GRIK2: variants seen among roughly 807,000 people sequenced by gnomAD.
The protein encoded by GRIK2 is glutamate ionotropic receptor kainate type subunit 2.
A neutral mutation model predicts 100.3 loss-of-function variants in GRIK2; 32 were observed. The ratio of observed to expected loss-of-function variants is 0.32; its 90% CI spans 0.24 to 0.43. GRIK2 has a LOEUF of 0.43. GRIK2 is among the 20% of genes least tolerant of loss of function. The pLI is 1.00. For missense variants in GRIK2, 843 were observed against 1,114.9 expected, an observed-to-expected ratio of 0.76 and a Z score of 3.47; for synonymous variants, 417 against 389.4, an observed-to-expected ratio of 1.07 and a Z score of -0.83.
chr6:102,010,007 T>G (rs1177720224), intron 14 of GRIK2, among the ~76,000 whole-genome samples: 2 of 152,080 alleles, frequency 1.3e-5, no homozygotes, highest in African/African-American at 4.8e-5. Context: ...TGTATATATA[T>G]ACATATATAA....
At chr6:101,522,994 T>C (rs939343698) in intron 2 of GRIK2, among the ~76,000 whole-genome samples, 1 of 151,858 alleles carries the variant, frequency 6.6e-6, no homozygotes, top group Non-Finnish European at 1.5e-5. Flanking sequence ...CCAGTTAGAG[T>C]GCTAAATGCT....
At chr6:101,457,322 G>A (rs1771061297) in intron 2 of GRIK2, among the ~76,000 whole-genome samples, 1 of 152,060 alleles carries the variant, frequency 6.6e-6, no homozygotes, top group African/African-American at 2.4e-5. Context: ...CTCTCTTGAG[G>A]TCACTTATTG....
chr6:102,023,893 T>G (rs901318332), intron 14 of GRIK2, among the ~76,000 whole-genome samples: 4 of 151,310 alleles, frequency 2.6e-5, no homozygotes, highest in Non-Finnish European at 5.9e-5. Context: ...GAACATGGTA[T>G]AATATAAAAA....
At chr6:101,432,758 A>T (rs1769479606) in intron 2 of GRIK2, among the ~76,000 whole-genome samples, 1 of 152,220 alleles carries the variant, frequency 6.6e-6, no homozygotes, top group Non-Finnish European at 1.5e-5. Flanking sequence ...AATAGGATTA[A>T]AGAGCACAAT....
At chr6:101,754,010 TATAAAG>T (rs1776966391) in intron 7 of GRIK2, among the ~76,000 whole-genome samples, 1 of 152,040 alleles carries the variant, frequency 6.6e-6, no homozygotes, top group Admixed American at 6.6e-5. Flanking sequence ...TGGGATGAAG[TATAAAG>T]ATAAATTACT....
chr6:102,064,962 C>T (rs977519898), intron 16 of GRIK2, among the ~76,000 whole-genome samples: 21 of 151,198 alleles, frequency 1.4e-4, no homozygotes, highest in Admixed American at 6.6e-4. Context: ...AAGAACCTAT[C>T]GTCTCACAGT....
chr6:101,941,364 G>T lies in GRIK2; in HGVS notation c.2085+12732G>T, dbSNP rs1790941241. ...AGGATATGTTAACTGGTTTCACAAT[G>T]AATGAACATTGCAATTTGCTGCAAC... On this transcript the variant is annotated intron_variant, in intron 14 of 16. Transcript: ENST00000369134. Among the ~76,000 whole-genome samples the T allele has an allele frequency of 2.0e-5, 3 of 152,146 alleles. No homozygotes were observed. The South Asian group carries it at 6.2e-4, about 32-fold the overall frequency.
chr6:101,762,116 CCTCCCTTCCTTT>C (rs1777750490), intron 7 of GRIK2, among the ~76,000 whole-genome samples: 1 of 145,572 alleles, frequency 6.9e-6, no homozygotes, highest in Admixed American at 6.9e-5. Flanking sequence ...TTCCTTCCTT[CCTCCCTTCCTTT>C]CCTTCCTCCC....
chr6:102,050,669 G>C (rs1003625792), intron 15 of GRIK2, among the ~76,000 whole-genome samples: 1 of 140,280 alleles, frequency 7.1e-6, no homozygotes, highest in Admixed American at 7.1e-5. Flanking sequence ...AAAAAAAAAC[G>C]GAATAAGAAA....
intron 7 of GRIK2, among the ~76,000 whole-genome samples, chr6:101,792,384 C>T (rs963277521): frequency 6.6e-6 from 1 of 151,896 alleles, no homozygotes; most frequent in Non-Finnish European, 1.5e-5. Context: ...CCTTCAGGAG[C>T]TCTTTTAGAG....
intron 10 of GRIK2, among the ~76,000 whole-genome samples, chr6:101,828,630 TACTATGAACATC>T (rs1427076408): frequency 2.6e-5 from 4 of 151,902 alleles, no homozygotes; most frequent in African/African-American, 9.7e-5. Flanking sequence ...ATCCTGAGAC[TACTATGAACATC>T]ACTATGGACA....
intron 2 of GRIK2, among the ~76,000 whole-genome samples, chr6:101,536,838 C>G (rs925421945): frequency 6.6e-6 from 1 of 151,604 alleles, no homozygotes; most frequent in Non-Finnish European, 1.5e-5. Context: ...GTCAAAAGGT[C>G]AAATTTATTC....
chr6:101,621,880 TTTTC>T (rs1780181070), intron 2 of GRIK2, 65 bp from the exon 3 acceptor site: 4 of 1,096,638 alleles, frequency 3.6e-6, no homozygotes, highest in East Asian at 2.5e-5. Flanking sequence ...ACTTCTGATA[TTTTC>T]TTTATCTTGT....
chr6:101,885,318 G>T (rs1310731469), intron 11 of GRIK2, among the ~76,000 whole-genome samples: 13 of 152,028 alleles, frequency 8.6e-5, no homozygotes, highest in Non-Finnish European at 1.9e-4. Flanking sequence ...AGAGAAAAAA[G>T]AATATCATTT....
intron 14 of GRIK2, among the ~76,000 whole-genome samples, chr6:101,987,152 GAAAT>G (rs1433104883): frequency 6.6e-6 from 1 of 151,576 alleles, no homozygotes; most frequent in Non-Finnish European, 1.5e-5. Flanking sequence ...CATTGTCTCT[GAAAT>G]AAATAAATAA....
chr6:101,780,631 T>G (rs1779026287), intron 7 of GRIK2, among the ~76,000 whole-genome samples: 1 of 152,194 alleles, frequency 6.6e-6, no homozygotes, highest in African/African-American at 2.4e-5. Context: ...TAATTTAACC[T>G]GTGTTTCCCC....
At chr6:101,617,447 C>T (rs145431963) in intron 2 of GRIK2, among the ~76,000 whole-genome samples, 1 of 151,824 alleles carries the variant, frequency 6.6e-6, no homozygotes, top group African/African-American at 2.4e-5. Context: ...TGCAGGTCTT[C>T]CATGTTGTTA....
intron 7 of GRIK2, among the ~76,000 whole-genome samples, chr6:101,711,178 T>C (rs1348882828): frequency 6.6e-6 from 1 of 151,846 alleles, no homozygotes; most frequent in East Asian, 1.9e-4. Flanking sequence ...CTTAATTGGC[T>C]GCTAAATTTT....
intron 4 of GRIK2, among the ~76,000 whole-genome samples, chr6:101,654,756 C>A (rs1781976709): frequency 6.6e-6 from 1 of 152,068 alleles, no homozygotes. Flanking sequence ...GGTTATTGTT[C>A]CACTTTAACC....
Sources: allele counts gnomAD v4.1 joint callset (sites outside exome capture counted in the v4.1 genomes callset), GRCh38; gene constraint gnomAD v4.1.1; transcripts MANE v1.5; gene names NCBI Gene and HGNC (gene_info 2026-07-23, HGNC 2026-07-21).